The following PDE8A variants were observed in gnomAD, a reference collection of about 807,000 sequenced individuals.
PDE8A encodes the protein phosphodiesterase 8A.
Under a neutral mutation model 105.0 loss-of-function variants are expected in PDE8A, and 59 were observed. The observed-to-expected ratio is 0.56, with a 90% CI of 0.46 to 0.70. PDE8A has a LOEUF of 0.70. PDE8A is among the 30% of genes least tolerant of loss of function. PDE8A has a pLI of 0.00. For synonymous variants in PDE8A, 355 were observed against 371.9 expected (o/e 0.95, Z 0.52); for missense variants, 1,014 against 1,045.9 (o/e 0.97, Z 0.42).
At chr15:85,044,288 A>G (rs1350036401) in intron 1 of PDE8A, among the ~76,000 whole-genome samples, 1 of 152,198 alleles carries the variant, frequency 6.6e-6, no homozygotes, top group African/African-American at 2.4e-5. Flanking sequence ...CAGTCAGGGT[A>G]ACATACACAA....
chr15:85,028,982 T>A (rs1276698206), intron 1 of PDE8A, among the ~76,000 whole-genome samples: 10 of 152,144 alleles, frequency 6.6e-5, no homozygotes, highest in African/African-American at 2.4e-4. Flanking sequence ...CACAAAGTAA[T>A]CTGTCGAGAG....
intron 1 of PDE8A, among the ~76,000 whole-genome samples, chr15:85,057,864 C>T (rs2081086687): frequency 6.6e-6 from 1 of 152,162 alleles, no homozygotes; most frequent in Non-Finnish European, 1.5e-5. Context: ...TATGTCAATA[C>T]ATCCTTGCAT....
At chr15:85,072,605 A>G (rs1004020426) in intron 3 of PDE8A, among the ~76,000 whole-genome samples, 15 of 152,278 alleles carry the variant, frequency 9.9e-5, no homozygotes, top group African/African-American at 3.6e-4. Context: ...GTCTTGGACC[A>G]TGAGGAAGAA....
At chr15:85,082,399 G>A (rs1406955042) in intron 5 of PDE8A, among the ~76,000 whole-genome samples, 2 of 151,884 alleles carry the variant, frequency 1.3e-5, no homozygotes, top group African/African-American at 2.4e-5. Context: ...TTTTATTCTC[G>A]GTGACCTTCA....
intron 6 of PDE8A, among the ~76,000 whole-genome samples, chr15:85,086,638 G>A (rs942636877): frequency 8.6e-5 from 13 of 152,022 alleles, no homozygotes; most frequent in East Asian, 5.8e-4. Flanking sequence ...CCGTATCTGC[G>A]AAAGTTAAAA....
intron 1 of PDE8A, among the ~76,000 whole-genome samples, chr15:85,018,083 A>T (rs1438307037): frequency 6.6e-6 from 1 of 152,158 alleles, no homozygotes; most frequent in Non-Finnish European, 1.5e-5. Context: ...CACTTTGGCT[A>T]TCAAGTGAAA....
chr15:85,123,147 T>C lies in PDE8A; in HGVS notation c.2039T>C (p.Phe680Ser). 6.2e-7 allele frequency: 1 copy of C among 1,614,006 alleles called. No homozygotes were observed. Among genetic ancestry groups the C allele is most frequent in the South Asian group, 1.1e-5 (1 of 91,058 alleles). The change falls in exon 19 of 22, where the codon TTT becomes TCT. Residue 680 changes from phenylalanine to serine, a missense_variant. Transcript: ENST00000394553. ...AAGCACTTTGAGCATGTCAACAAAT[T>C]TGTCAACAGCATCAACAAACCCTTG... The part of the protein sequence containing the change: ...MTKHFEHVNK[F>S]VNSINKPLAT...
At chr15:85,131,958 A>G (rs558394757) in intron 20 of PDE8A, among the ~76,000 whole-genome samples, 22 of 152,044 alleles carry the variant, frequency 1.4e-4, no homozygotes, top group Non-Finnish European at 3.2e-4. Flanking sequence ...AAATGAGCAG[A>G]TCATCTTATT....
At chr15:85,044,077 T>C (rs2080852420) in intron 1 of PDE8A, among the ~76,000 whole-genome samples, 1 of 152,232 alleles carries the variant, frequency 6.6e-6, no homozygotes, top group Non-Finnish European at 1.5e-5. Flanking sequence ...ATTATAGAAT[T>C]ATAATTTCAT....
At chr15:85,054,653 G>T (rs1039111303) in intron 1 of PDE8A, among the ~76,000 whole-genome samples, 2 of 152,136 alleles carry the variant, frequency 1.3e-5, no homozygotes, top group African/African-American at 2.4e-5. Flanking sequence ...TGTGGGATCG[G>T]TGGTTATATT....
chr15:85,089,099 C>G (rs1596506072), intron 6 of PDE8A, among the ~76,000 whole-genome samples: 1 of 152,096 alleles, frequency 6.6e-6, no homozygotes, highest in Admixed American at 6.5e-5. Context: ...TGTGGCCACC[C>G]TGGCTCACTG....
At chr15:85,070,235 T>C (rs538912756) in intron 3 of PDE8A, among the ~76,000 whole-genome samples, 1 of 152,300 alleles carries the variant, frequency 6.6e-6, no homozygotes, top group South Asian at 2.1e-4. Context: ...GTTGGGGGCA[T>C]TTGGAACTCC....
intron 15 of PDE8A, 143 bp downstream of exon 15, chr15:85,115,630 G>A (rs1398456896): frequency 1.4e-5 from 8 of 567,164 alleles, no homozygotes; most frequent in South Asian, 4.9e-5. Flanking sequence ...TCCCTGAGGC[G>A]GTACTGTCCT....
At chr15:85,059,966 C>G (rs564837159) in intron 1 of PDE8A, among the ~76,000 whole-genome samples, 2 of 152,156 alleles carry the variant, frequency 1.3e-5, no homozygotes, top group African/African-American at 2.4e-5. Context: ...TATGATCATG[C>G]CATTGCACTC....
intron 1 of PDE8A, among the ~76,000 whole-genome samples, chr15:85,031,286 C>A (rs1337105265): frequency 6.6e-6 from 1 of 152,188 alleles, no homozygotes; most frequent in Non-Finnish European, 1.5e-5. Flanking sequence ...GACTAGACTT[C>A]TATGTCTTTG....
intron 1 of PDE8A, among the ~76,000 whole-genome samples, chr15:85,017,500 A>G (rs1324823157): frequency 6.6e-6 from 1 of 152,208 alleles, no homozygotes; most frequent in African/African-American, 2.4e-5. Context: ...AAAGAAGATA[A>G]TGTTTTATAC....
At chr15:84,983,909 T>C (rs1044939819) in intron 1 of PDE8A, among the ~76,000 whole-genome samples, 1 of 152,252 alleles carries the variant, frequency 6.6e-6, no homozygotes, top group Non-Finnish European at 1.5e-5. Flanking sequence ...CTTGCTCTTG[T>C]GCTATCGCAG....
intron 17 of PDE8A, among the ~76,000 whole-genome samples, chr15:85,118,246 C>G (rs2082126511): frequency 6.6e-6 from 1 of 152,172 alleles, no homozygotes; most frequent in East Asian, 1.9e-4. Context: ...GTTCCCAGCA[C>G]TGCTCCCACC....
chr15:85,101,700 G>A (rs1047380400), intron 11 of PDE8A, among the ~76,000 whole-genome samples: 10 of 152,200 alleles, frequency 6.6e-5, no homozygotes, highest in African/African-American at 2.4e-4. Flanking sequence ...TGGTCGAGAG[G>A]AAAGAAAACA....
Sources: allele counts gnomAD v4.1 joint callset (sites outside exome capture counted in the v4.1 genomes callset), GRCh38; gene constraint gnomAD v4.1.1; transcripts MANE v1.5; gene names NCBI Gene and HGNC (gene_info 2026-07-23, HGNC 2026-07-21).